Variants in ATOX1 observed in about 807,000 individuals in gnomAD.
The protein encoded by ATOX1 is antioxidant 1 copper chaperone.
ATOX1 carries 4 observed loss-of-function variants against 7.3 expected under a neutral mutation model. That is an observed-to-expected ratio of 0.55 (90% CI 0.27 to 1.25). The LOEUF is 1.25. Ranked by LOEUF, ATOX1 falls within the 50% of genes most tolerant of loss-of-function variation. The pLI is 0.12. For synonymous variants in ATOX1, 25 were observed against 28.7 expected (o/e 0.87, Z 0.41); for missense variants, 68 against 81.6 (o/e 0.83, Z 0.64).
At chr5:151,752,411 C>A in intron 1 of ATOX1, 1 of 700,224 alleles carries the variant, frequency 1.4e-6, no homozygotes, top group South Asian at 1.5e-5. Flanking sequence ...AGGAAGGGAT[C>A]CCCGGCTCCT....
intron 2 of ATOX1, among the ~76,000 whole-genome samples, chr5:151,748,861 A>AAAAC (rs374619344): frequency 1.4e-4 from 21 of 150,728 alleles, no homozygotes; most frequent in East Asian, 5.9e-4. Context: ...ACTCCCTCTC[A>AAAAC]AAACAAACAA....
rs1299667599 is a variant in ATOX1, at chr5:151,756,229, G to A, written c.6+2317C>T. 4.6e-5 allele frequency among the ~76,000 whole-genome samples: 7 copies of A among 151,126 alleles called. No homozygotes were observed. The East Asian group carries it at 9.8e-4, about 21-fold the overall frequency. ...AGTGCTGGGATTACAGGCATTACCCGCCGCACCTGGCCTATTATTATCCCT... is the reference window on the plus strand; with the variant it reads ...AGTGCTGGGATTACAGGCATTACCCACCGCACCTGGCCTATTATTATCCCT... On this transcript the variant is annotated intron_variant, in intron 1 of 3. Coordinates refer to ENST00000313115, the MANE Select transcript of ATOX1 (RefSeq NM_004045.4).
intron 1 of ATOX1, among the ~76,000 whole-genome samples, chr5:151,757,933 A>G (rs1762037066): frequency 6.6e-6 from 1 of 152,234 alleles, no homozygotes; most frequent in East Asian, 1.9e-4. Context: ...GACTTCCCAG[A>G]CACAGCCACT....
At position 151,756,397 on chromosome 5, in the gene ATOX1, G is replaced by A. The variant is rs1762017114; in HGVS notation, c.6+2149C>T. On this transcript the variant is annotated intron_variant, in intron 1 of 3. Transcript: ENST00000313115. ...AGATCTTGTTAAAATGGGATTGAAA[G>A]CTGCCTGCCTATAGTTTTCTCTTCT... Among the ~76,000 whole-genome samples the A allele has an allele frequency of 2.6e-5, 4 of 151,576 alleles. No individual in the cohort carries two copies. In the South Asian group the frequency reaches 8.3e-4, roughly 32 times the overall value.
At position 151,755,434 on chromosome 5, in the gene ATOX1, A is replaced by C. The variant is rs28917181; in HGVS notation, c.6+3112T>G. The stretch of plus-strand genomic sequence containing the variant: ...ACTACTGAGTATGGAATATGAACCT[A>C]GGCTTTCTTCGCTCCAGGGAAATCT... On this transcript the variant is annotated intron_variant, in intron 1 of 3. Coordinates refer to ENST00000313115, the MANE Select transcript of ATOX1 (RefSeq NM_004045.4). 2.4e-3 allele frequency among the ~76,000 whole-genome samples: 358 copies of C among 152,304 alleles called. 3 individuals are homozygous for C. The highest frequency in any genetic ancestry group is 8.4e-3 in the African/African-American group (350 of 41,564).
intron 2 of ATOX1, among the ~76,000 whole-genome samples, chr5:151,750,602 T>A (rs1205799020): frequency 6.6e-6 from 1 of 150,670 alleles, no homozygotes; most frequent in Non-Finnish European, 1.5e-5. Context: ...GACAAAATTT[T>A]AAAAATTTTT....
intron 1 of ATOX1, chr5:151,754,217 C>T (rs541162415): frequency 4.6e-5 from 7 of 152,298 alleles, no homozygotes; most frequent in Non-Finnish European, 1.0e-4. Context: ...AATCTCAGGT[C>T]CCTTCCCAGA....
At position 151,746,459 on chromosome 5, in the gene ATOX1, G is replaced by A; in HGVS notation, c.83-10C>T. The A allele has an allele frequency of 6.2e-7, 1 of 1,613,618 alleles. No individual in the cohort carries two copies. Among genetic ancestry groups the A allele is most frequent in the Non-Finnish European group, 8.5e-7 (1 of 1,179,578 alleles). ...ATGTCATACTTAACTCCTGCAGGAA[G>A]AGGAAATGGGGTATGGGGAGAGGAA... On this transcript the variant is annotated splice_polypyrimidine_tract_variant and intron_variant, in intron 2 of 3. Transcript: ENST00000313115.
At chr5:151,755,465 G>C (rs1195910733) in intron 1 of ATOX1, among the ~76,000 whole-genome samples, 3 of 152,150 alleles carry the variant, frequency 2.0e-5, no homozygotes, top group Non-Finnish European at 4.4e-5. Context: ...AATCTTGCTG[G>C]TTCTGGAAAA....
rs1554078364 is a variant in ATOX1, at chr5:151,749,671, A to AAAAAG, written c.82+2032_82+2033insCTTTT. Among the ~76,000 whole-genome samples the AAAAAG allele has an allele frequency of 2.0e-5, 3 of 151,604 alleles. No homozygotes were observed. In the East Asian group the frequency reaches 5.9e-4, roughly 30 times the overall value. On this transcript the variant is annotated intron_variant, in intron 2 of 3. Transcript: ENST00000313115. The stretch of plus-strand genomic sequence containing the variant: ...AGCAAACTCCATCTCCAAAAAAAAA[A>AAAAAG]AAAAAGAAAAAGAAAAAAAAAAGCA...
chr5:151,755,854 CT>C (rs1008442225), intron 1 of ATOX1, among the ~76,000 whole-genome samples: 3 of 149,128 alleles, frequency 2.0e-5, no homozygotes, highest in Non-Finnish European at 4.5e-5. Context: ...CCTCTGGGGT[CT>C]TTTATAAAGA....
At chr5:151,754,464 T>C (rs1306064162) in intron 1 of ATOX1, among the ~76,000 whole-genome samples, 3 of 151,654 alleles carry the variant, frequency 2.0e-5, no homozygotes, top group Non-Finnish European at 4.4e-5. Context: ...AGAAAAAAAA[T>C]TAGCCAGGCA....
intron 1 of ATOX1, among the ~76,000 whole-genome samples, chr5:151,753,201 C>T (rs1761972316): frequency 1.3e-5 from 2 of 152,200 alleles, no homozygotes; most frequent in South Asian, 4.1e-4. Context: ...CCAGTCAAGC[C>T]TTCAGATGAA....
chr5:151,749,683 GA>G (rs1205736758), intron 2 of ATOX1, among the ~76,000 whole-genome samples: 13 of 140,182 alleles, frequency 9.3e-5, no homozygotes, highest in South Asian at 2.3e-4. Context: ...AAAAGAAAAA[GA>G]AAAAAAAAAG....
chr5:151,745,112 T>C (rs1435248152), intron 3 of ATOX1: 5 of 152,202 alleles, frequency 3.3e-5, no homozygotes, highest in African/African-American at 1.2e-4. Flanking sequence ...TCTTGTAACT[T>C]GCATGTGATG....
intron 2 of ATOX1, among the ~76,000 whole-genome samples, chr5:151,747,732 G>A (rs996553860): frequency 2.0e-5 from 3 of 152,152 alleles, no homozygotes; most frequent in Non-Finnish European, 4.4e-5. Context: ...GGGATTACAG[G>A]CATGAGCCAC....
chr5:151,748,535 T>C (rs2113178572), intron 2 of ATOX1, among the ~76,000 whole-genome samples: 1 of 152,236 alleles, frequency 6.6e-6, no homozygotes, highest in South Asian at 2.1e-4. Context: ...CTGCCGAAGC[T>C]TAAAGGCAGA....
chr5:151,748,600 G>A (rs760772158), intron 2 of ATOX1, among the ~76,000 whole-genome samples: 1 of 152,186 alleles, frequency 6.6e-6, no homozygotes, highest in Non-Finnish European at 1.5e-5. Context: ...GGTGGCTCAT[G>A]TCTGTAATCC....
chr5:151,748,662 G>A (rs1240900002), intron 2 of ATOX1, among the ~76,000 whole-genome samples: 1 of 152,140 alleles, frequency 6.6e-6, no homozygotes, highest in Non-Finnish European at 1.5e-5. Context: ...AGAAGTTCAA[G>A]ACCAGCCTGG....
Sources: allele counts gnomAD v4.1 joint callset (sites outside exome capture counted in the v4.1 genomes callset), GRCh38; gene constraint gnomAD v4.1.1; transcripts MANE v1.5; gene names NCBI Gene and HGNC (gene_info 2026-07-23, HGNC 2026-07-21).